MYO16: variants seen among roughly 807,000 people sequenced by gnomAD.
MYO16 encodes unconventional myosin-XVI.
MYO16 carries 94 observed loss-of-function variants against 205.3 expected under a neutral mutation model. The ratio of observed to expected loss-of-function variants is 0.46; its 90% CI spans 0.39 to 0.54. MYO16 has a LOEUF of 0.54. MYO16 is among the 20% of genes least tolerant of loss of function. The pLI is 0.00. For synonymous variants in MYO16, 988 were observed against 954.0 expected, an observed-to-expected ratio of 1.04 and a Z score of -0.66; for missense variants, 2,315 against 2,387.5, an observed-to-expected ratio of 0.97 and a Z score of 0.63.
At chr13:108,846,693 T>C (rs1277955001) in intron 10 of MYO16, among the ~76,000 whole-genome samples, 3 of 152,078 alleles carry the variant, frequency 2.0e-5, no homozygotes, top group Non-Finnish European at 4.4e-5. Context: ...TTATTAAGAA[T>C]GGGAATATTA....
At chr13:109,010,957 T>TATATATATATATATATATATATATATA (rs1885570840) in intron 22 of MYO16, among the ~76,000 whole-genome samples, 1 of 118,572 alleles carries the variant, frequency 8.4e-6, no homozygotes, top group Non-Finnish European at 1.8e-5. Context: ...ACATATAATA[T>TATATATATATATATATATATATATATA]TATATATATA....
chr13:108,893,031 TA>T (rs1880244393), intron 14 of MYO16, among the ~76,000 whole-genome samples: 2 of 152,214 alleles, frequency 1.3e-5, no homozygotes, highest in African/African-American at 2.4e-5. Context: ...GATTCATAAA[TA>T]AATGACTTCT....
rs181954148 is a variant in MYO16 at position 109,072,109 on chromosome 13, A to T, written c.3335+16514A>T. On this transcript the variant is annotated intron_variant, in intron 27 of 34. Transcript: ENST00000457511. ...CAGACCTTGATTGAAGGTTCATCTC[A>T]AAACAGCTTCTGTGCTCTAGCTGTG... Among the ~76,000 whole-genome samples the T allele has an allele frequency of 2.0e-5, 3 of 152,290 alleles. No individual in the cohort carries two copies. In the East Asian group the frequency reaches 5.8e-4, roughly 29 times the overall value.
intron 31 of MYO16, among the ~76,000 whole-genome samples, chr13:109,137,990 T>C (rs1188437215): frequency 2.6e-5 from 4 of 152,246 alleles, no homozygotes; most frequent in African/African-American, 9.6e-5. Flanking sequence ...TTTTTTGTTG[T>C]TGTATGACTG....
chr13:108,676,676 T>A (rs751457514), intron 2 of MYO16, among the ~76,000 whole-genome samples: 1 of 152,154 alleles, frequency 6.6e-6, no homozygotes, highest in African/African-American at 2.4e-5. Context: ...CCAAAGCCCA[T>A]GTGGAGTGAG....
intron 16 of MYO16, among the ~76,000 whole-genome samples, chr13:108,937,463 C>T (rs1388750485): frequency 2.6e-5 from 4 of 152,070 alleles, no homozygotes; most frequent in Non-Finnish European, 4.4e-5. Context: ...ATATATTTTT[C>T]GACTTGTTTA....
chr13:108,891,984 A>G (rs76846139), intron 14 of MYO16, among the ~76,000 whole-genome samples: 10,621 of 152,224 alleles, frequency 0.07, 496 homozygotes, highest in Middle Eastern at 0.2. Context: ...TTATTTAGAA[A>G]TGAGAATAAC....
intron 16 of MYO16, among the ~76,000 whole-genome samples, chr13:108,913,488 A>G (rs1188781561): frequency 6.6e-6 from 1 of 152,198 alleles, no homozygotes; most frequent in African/African-American, 2.4e-5. Flanking sequence ...TTGGTATCTA[A>G]TCTTTATTTG....
chr13:108,806,618 G>C, intron 6 of MYO16, 61 bp from the exon 7 acceptor site: 1 of 1,489,622 alleles, frequency 6.7e-7, no homozygotes, highest in South Asian at 1.2e-5. Context: ...AAACCACTGA[G>C]TGAACTGCAT....
At chr13:109,095,577 G>A (rs941291749) in intron 27 of MYO16, among the ~76,000 whole-genome samples, 12 of 151,904 alleles carry the variant, frequency 7.9e-5, no homozygotes, top group Admixed American at 5.9e-4. Flanking sequence ...CATTTTAAGT[G>A]TCAAAAAAAT....
In MYO16 at chr13:108,919,545, G is replaced by A. The variant is rs557360212; in HGVS notation, c.1925+9395G>A. 1.2e-4 allele frequency among the ~76,000 whole-genome samples: 18 copies of A among 152,320 alleles called. No individual in the cohort carries two copies. The South Asian group carries it at 3.5e-3, about 30-fold the overall frequency. On this transcript the variant is annotated intron_variant, in intron 16 of 34. Coordinates refer to ENST00000457511, the MANE Select transcript of MYO16 (RefSeq NM_001198950.3). ...AGGGGTGGAGTTGGTTATCATTGAGGTGACACAGTTCTTGGCTGAGTAAAG... is the reference window on the plus strand; with the variant it reads ...AGGGGTGGAGTTGGTTATCATTGAGATGACACAGTTCTTGGCTGAGTAAAG...
At chr13:108,842,682 G>A (rs1877307424) in intron 9 of MYO16, among the ~76,000 whole-genome samples, 1 of 152,078 alleles carries the variant, frequency 6.6e-6, no homozygotes, top group African/African-American at 2.4e-5. Context: ...AGTTGCTACG[G>A]AAACAAGTAT....
the MYO16 span, among the ~76,000 whole-genome samples, chr13:108,499,501 C>A: frequency 2.0e-5 from 3 of 152,192 alleles, no homozygotes; most frequent in Admixed American, 1.3e-4. Context: ...CAAAAATGTA[C>A]ACTGGGCGCA....
chr13:108,745,728 T>C (rs1381232733), intron 4 of MYO16, among the ~76,000 whole-genome samples: 6 of 152,150 alleles, frequency 3.9e-5, no homozygotes, highest in East Asian at 3.9e-4. Context: ...ATGACAGATA[T>C]TAAAATTATC....
At chr13:108,896,690 C>T (rs1056749742) in intron 14 of MYO16, among the ~76,000 whole-genome samples, 5 of 152,006 alleles carry the variant, frequency 3.3e-5, no homozygotes, top group East Asian at 1.9e-4. Flanking sequence ...AAAGCAGCCG[C>T]GCGTGGTGGC....
At chr13:108,641,035 T>C (rs988836829) in intron 1 of MYO16, among the ~76,000 whole-genome samples, 1 of 152,184 alleles carries the variant, frequency 6.6e-6, no homozygotes, top group African/African-American at 2.4e-5. Context: ...ATTCTTAAAC[T>C]GGAGTTTCAA....
chr13:108,980,965 A>G (rs1188192080), intron 20 of MYO16, among the ~76,000 whole-genome samples: 1 of 152,222 alleles, frequency 6.6e-6, no homozygotes, highest in African/African-American at 2.4e-5. Context: ...CAGCCAGAAA[A>G]TGATGGGCTA....
At position 108,709,384 on chromosome 13, in the gene MYO16, G is replaced by A. The variant is rs546253248; in HGVS notation, c.293-3277G>A. On this transcript the variant is annotated intron_variant, in intron 2 of 34. Transcript: ENST00000457511. ...TTTTGAAGTTTTACTCTCTGATGCC[G>A]TTTGGGGTTAAGGGCACAATCACTG... Among the ~76,000 whole-genome samples, 54 of 148,636 alleles carry A rather than the reference G, an allele frequency of 3.6e-4. 2 individuals carry two copies. The highest frequency in any genetic ancestry group is 1.1e-3 in the African/African-American group (45 of 40,314).
the MYO16 span, among the ~76,000 whole-genome samples, chr13:108,503,978 G>T: frequency 0.027 from 4,083 of 151,308 alleles, 161 homozygotes; most frequent in African/African-American, 0.09. Flanking sequence ...TATTTTTTTT[G>T]CCTTTACTTG....
Sources: allele counts gnomAD v4.1 joint callset (sites outside exome capture counted in the v4.1 genomes callset), GRCh38; gene constraint gnomAD v4.1.1; transcripts MANE v1.5; gene names NCBI Gene and HGNC (gene_info 2026-07-23, HGNC 2026-07-21).